Variants in CTIF observed in about 807,000 individuals in gnomAD.
CTIF encodes CBP80/20-dependent translation initiation factor.
Under a neutral mutation model 66.0 loss-of-function variants are expected in CTIF, and 21 were observed. The observed-to-expected ratio is 0.32, with a 90% CI of 0.23 to 0.46. The LOEUF (loss-of-function observed/expected upper bound fraction) is 0.46. Among genes scored for constraint, CTIF ranks in the 20% least tolerant of loss-of-function variants. CTIF has a pLI of 1.00. For missense variants in CTIF, 739 were observed against 812.7 expected, an observed-to-expected ratio of 0.91 and a Z score of 1.10; for synonymous variants, 345 against 326.4, an observed-to-expected ratio of 1.06 and a Z score of -0.62.
chr18:48,750,463 C>T (rs72911680), intron 7 of CTIF, among the ~76,000 whole-genome samples: 105 of 152,374 alleles, frequency 6.9e-4, no homozygotes, highest in African/African-American at 1.9e-3. Context: ...GGAGTCTGCA[C>T]GCTTTCCTCC....
intron 7 of CTIF, among the ~76,000 whole-genome samples, chr18:48,746,978 C>T (rs893797788): frequency 6.6e-6 from 1 of 152,010 alleles, no homozygotes; most frequent in Non-Finnish European, 1.5e-5. Context: ...CACATGCTGT[C>T]GTAGATGGTT....
intron 9 of CTIF, among the ~76,000 whole-genome samples, chr18:48,772,278 GT>G (rs982152334): frequency 2.0e-5 from 3 of 152,140 alleles, no homozygotes; most frequent in Admixed American, 2.0e-4. Flanking sequence ...CTTTGTTACT[GT>G]TTTTCTTTTC....
intron 1 of CTIF, among the ~76,000 whole-genome samples, chr18:48,577,813 GATCCGCCC>G (rs1051228640): frequency 6.6e-6 from 1 of 152,218 alleles, no homozygotes; most frequent in African/African-American, 2.4e-5. Context: ...GGGCTCAAGT[GATCCGCCC>G]ATCTGGGCCT....
In CTIF at chr18:48,542,916, A is replaced by C. The variant is rs148839573; in HGVS notation, c.-29+3604A>C. On this transcript the variant is annotated intron_variant, in intron 1 of 11. Coordinates refer to ENST00000256413, the MANE Select transcript of CTIF (RefSeq NM_014772.3). ...AGCCAACCAACAGGTTTCTGGCGAC[A>C]CGGAGCTAAGGAGATGTTCTCCGTG... is the stretch of plus-strand genomic sequence containing the variant. Among the ~76,000 whole-genome samples, 15 of 152,282 alleles carry C rather than the reference A, an allele frequency of 9.9e-5. No individual in the cohort carries two copies. The South Asian group carries it at 1.0e-3, about 11-fold the overall frequency.
chr18:48,581,012 G>T (rs1473799932), intron 1 of CTIF, among the ~76,000 whole-genome samples: 1 of 152,180 alleles, frequency 6.6e-6, no homozygotes, highest in Non-Finnish European at 1.5e-5. Context: ...TACTGCCCGG[G>T]GGCTGTCTTC....
intron 3 of CTIF, among the ~76,000 whole-genome samples, chr18:48,639,539 G>C (rs1399281348): frequency 2.6e-5 from 4 of 152,188 alleles, no homozygotes; most frequent in African/African-American, 9.7e-5. Context: ...GGTGCTGCAG[G>C]GGGAGGCAGG....
intron 1 of CTIF, among the ~76,000 whole-genome samples, chr18:48,560,872 A>G (rs2089142794): frequency 1.3e-5 from 2 of 152,184 alleles, no homozygotes; most frequent in South Asian, 2.1e-4. Context: ...TGCCCGGCCT[A>G]TCCTTCCTTA....
At chr18:48,826,121 G>A (rs1669238942) in intron 10 of CTIF, 2 of 152,182 alleles carry the variant, frequency 1.3e-5, no homozygotes, top group Admixed American at 6.6e-5. Flanking sequence ...CTTATCTGTA[G>A]CATAGGAATG....
chr18:48,551,762 T>C (rs1018829745), intron 1 of CTIF, among the ~76,000 whole-genome samples: 1 of 151,978 alleles, frequency 6.6e-6, no homozygotes, highest in African/African-American at 2.4e-5. Context: ...AGGTGGTCTT[T>C]CTCCTGAAAC....
rs193291524 is a variant in CTIF at position 48,612,498 on chromosome 18, A to G, written c.-28-7040A>G. Among the ~76,000 whole-genome samples the G allele has an allele frequency of 3.5e-3, 531 of 152,364 alleles. 3 individuals are homozygous for G. The highest frequency in any genetic ancestry group is 0.011 in the African/African-American group (467 of 41,582). On this transcript the variant is annotated intron_variant, in intron 1 of 11. Transcript: ENST00000256413. ...GACCAGGGCCCGAAAGCCAGCAGCC[A>G]GCTCTGCCTATAATAGTCACCAGGA...
chr18:48,691,823 C>T (rs1271665975), intron 6 of CTIF, among the ~76,000 whole-genome samples: 1 of 152,198 alleles, frequency 6.6e-6, no homozygotes, highest in Non-Finnish European at 1.5e-5. Flanking sequence ...TTCTTATCCT[C>T]CACCGCCCCT....
At chr18:48,815,212 A>G (rs1480820161) in intron 9 of CTIF, among the ~76,000 whole-genome samples, 2 of 152,258 alleles carry the variant, frequency 1.3e-5, no homozygotes, top group African/African-American at 2.4e-5. Context: ...ATCATGTTGT[A>G]TACCTTAAAT....
At chr18:48,724,710 G>C (rs572165005) in intron 7 of CTIF, among the ~76,000 whole-genome samples, 3 of 152,198 alleles carry the variant, frequency 2.0e-5, no homozygotes, top group African/African-American at 7.2e-5. Flanking sequence ...AAGCAGGTGC[G>C]GCCACTGAGG....
chr18:48,548,171 G>A (rs565488376), intron 1 of CTIF, among the ~76,000 whole-genome samples: 4 of 152,304 alleles, frequency 2.6e-5, no homozygotes, highest in East Asian at 1.9e-4. Context: ...AAGAATGTGT[G>A]TGGTTCCATC....
intron 1 of CTIF, among the ~76,000 whole-genome samples, chr18:48,552,110 A>T (rs557961734): frequency 2.0e-5 from 3 of 152,300 alleles, no homozygotes; most frequent in Non-Finnish European, 4.4e-5. Flanking sequence ...CCTAATAATA[A>T]CTTTCAAAGC....
intron 1 of CTIF, among the ~76,000 whole-genome samples, chr18:48,593,507 G>A (rs958071732): frequency 5.3e-5 from 8 of 150,210 alleles, no homozygotes; most frequent in Admixed American, 1.3e-4. Flanking sequence ...CCGCCTCCCC[G>A]AGTAGCTGGG....
chr18:48,711,368 T>A (rs1434756033), intron 6 of CTIF, among the ~76,000 whole-genome samples: 1 of 152,258 alleles, frequency 6.6e-6, no homozygotes, highest in Non-Finnish European at 1.5e-5. Flanking sequence ...GACTTGGACA[T>A]AATGGATTCT....
At chr18:48,638,528 C>T (rs2090866073) in intron 3 of CTIF, among the ~76,000 whole-genome samples, 1 of 152,066 alleles carries the variant, frequency 6.6e-6, no homozygotes, top group Non-Finnish European at 1.5e-5. Flanking sequence ...ACCCAGCTGT[C>T]CTCTCGGGTC....
chr18:48,723,340 A>G (rs1321194021), intron 7 of CTIF, among the ~76,000 whole-genome samples: 2 of 151,600 alleles, frequency 1.3e-5, no homozygotes, highest in Non-Finnish European at 2.9e-5. Flanking sequence ...CAAAGGGATG[A>G]ATGAATGAAT....
Sources: allele counts gnomAD v4.1 joint callset (sites outside exome capture counted in the v4.1 genomes callset), GRCh38; gene constraint gnomAD v4.1.1; transcripts MANE v1.5; gene names NCBI Gene and HGNC (gene_info 2026-07-23, HGNC 2026-07-21).